CTNNA3: variants seen among roughly 807,000 people sequenced by gnomAD.
CTNNA3 encodes the protein catenin alpha-3.
A neutral mutation model predicts 95.7 loss-of-function variants in CTNNA3; 76 were observed. The ratio of observed to expected loss-of-function variants is 0.79; its 90% CI spans 0.66 to 0.96. The LOEUF is 0.96. Among genes scored for constraint, CTNNA3 ranks in the 40% least tolerant of loss-of-function variants. The probability of loss-of-function intolerance (pLI) is 0.00; values close to 1 mark genes in which losing one functional copy is unlikely to be tolerated. For synonymous variants in CTNNA3, 431 were observed against 374.4 expected (o/e 1.15, Z -1.74); for missense variants, 1,191 against 1,089.8 (o/e 1.09, Z -1.31).
chr10:66,428,275 G>C (rs1310875212), intron 11 of CTNNA3, among the ~76,000 whole-genome samples: 1 of 152,090 alleles, frequency 6.6e-6, no homozygotes, highest in Non-Finnish European at 1.5e-5. Flanking sequence ...GACCTACAAA[G>C]AGACTTAGAC....
intron 11 of CTNNA3, among the ~76,000 whole-genome samples, chr10:66,391,654 A>G (rs957930990): frequency 1.3e-5 from 2 of 152,152 alleles, no homozygotes; most frequent in Non-Finnish European, 2.9e-5. Context: ...AGAAAAGATA[A>G]TCCTAAAGGC....
chr10:66,384,956 A>C (rs1176532264), intron 11 of CTNNA3, among the ~76,000 whole-genome samples: 1 of 152,300 alleles, frequency 6.6e-6, no homozygotes, highest in Admixed American at 6.5e-5. Context: ...GTAGAGGGAA[A>C]TTTTTAGCAC....
At chr10:67,038,982 A>G (rs1377691648) in intron 7 of CTNNA3, among the ~76,000 whole-genome samples, 1 of 152,106 alleles carries the variant, frequency 6.6e-6, no homozygotes, top group Non-Finnish European at 1.5e-5. Context: ...TTAATTTTTC[A>G]GGCATAATCA....
chr10:67,367,709 C>G (rs574237183), intron 5 of CTNNA3, among the ~76,000 whole-genome samples: 27 of 152,102 alleles, frequency 1.8e-4, no homozygotes, highest in Non-Finnish European at 3.7e-4. Flanking sequence ...ATGTCGAATA[C>G]AGTATGCCCA....
At position 66,069,403 on chromosome 10, in the gene CTNNA3, A is replaced by G. The variant is rs1415550935; in HGVS notation, c.2064T>C (p.Asp688=). 3 of 1,613,694 alleles carry G rather than the reference A, an allele frequency of 1.9e-6. No individual in the cohort carries two copies. Among genetic ancestry groups the G allele is most frequent in the Non-Finnish European group, 2.5e-6 (3 of 1,179,718 alleles). ...TATCATCCCATATCTCAATCTCAGC[A>G]TCCAGCTTACTCTTTACTTTCTTGA... The part of the protein sequence containing the change: ...ADFKKVKSKL[D]AEIEIWDDTS... Residue 688 remains aspartate (D), a synonymous_variant, in exon 15 of 18, where the codon GAT becomes GAC. Transcript: ENST00000433211.
intron 5 of CTNNA3, among the ~76,000 whole-genome samples, chr10:67,268,795 G>A (rs1165098526): frequency 2.0e-5 from 3 of 152,128 alleles, no homozygotes; most frequent in African/African-American, 7.2e-5. Context: ...TATTGTATAT[G>A]CAAATGACAT....
chr10:66,752,900 T>C (rs1839208169), intron 9 of CTNNA3, among the ~76,000 whole-genome samples: 1 of 152,016 alleles, frequency 6.6e-6, no homozygotes, highest in Non-Finnish European at 1.5e-5. Flanking sequence ...TCTATTTAAA[T>C]GCTAATCTGC....
chr10:66,823,695 T>C (rs571915450), intron 7 of CTNNA3, among the ~76,000 whole-genome samples: 1 of 152,352 alleles, frequency 6.6e-6, no homozygotes, highest in Non-Finnish European at 1.5e-5. Flanking sequence ...GTGAGTTTTG[T>C]GCTAGACACT....
chr10:66,803,995 T>A (rs1332694045), intron 7 of CTNNA3, among the ~76,000 whole-genome samples: 1 of 151,214 alleles, frequency 6.6e-6, no homozygotes, highest in African/African-American at 2.4e-5. Flanking sequence ...GTGGTGTGCA[T>A]GTATTGTTTT....
chr10:67,008,809 A>C (rs1852159285), intron 7 of CTNNA3, among the ~76,000 whole-genome samples: 1 of 152,182 alleles, frequency 6.6e-6, no homozygotes, highest in Admixed American at 6.6e-5. Context: ...CCAGTGCATA[A>C]GAATCTTTTT....
intron 9 of CTNNA3, among the ~76,000 whole-genome samples, chr10:66,689,175 A>T (rs1379771142): frequency 6.6e-6 from 1 of 152,098 alleles, no homozygotes; most frequent in African/African-American, 2.4e-5. Flanking sequence ...CAAGCCTGAG[A>T]CACTTAGGGC....
chr10:67,516,642 T>C (rs1047191623), intron 5 of CTNNA3, among the ~76,000 whole-genome samples: 2 of 152,332 alleles, frequency 1.3e-5, no homozygotes, highest in Non-Finnish European at 2.9e-5. Context: ...ACACATTTTG[T>C]AATGACTACC....
chr10:67,058,520 C>T (rs1236390583), intron 7 of CTNNA3, among the ~76,000 whole-genome samples: 2 of 152,082 alleles, frequency 1.3e-5, no homozygotes, highest in African/African-American at 2.4e-5. Context: ...GCCCTTTCTC[C>T]ACTATATTCA....
In CTNNA3 at chr10:67,512,691, TA is replaced by T. The variant is rs1052453236; in HGVS notation, c.579+9150del. 5.4e-3 allele frequency among the ~76,000 whole-genome samples: 771 copies of T among 143,176 alleles called. 4 individuals carry two copies. Among genetic ancestry groups the T allele is most frequent in the African/African-American group, 0.013 (505 of 39,276 alleles). 93.9% of individuals were successfully genotyped at this position (143,176 alleles called of 152,430 possible). A position where few individuals can be genotyped will look rare whatever the true frequency, so the allele number is the denominator to read the frequency against. On this transcript the variant is annotated intron_variant, in intron 5 of 17. Coordinates refer to ENST00000433211, the MANE Select transcript of CTNNA3 (RefSeq NM_013266.4). The stretch of plus-strand genomic sequence containing the variant: ...TGTAATATTATTGCATTTTCTTCTT[TA>T]AAAAAAAAAAAGGGCCAGGAGCGGT...
At chr10:66,032,269 T>C (rs2079464504) in intron 15 of CTNNA3, among the ~76,000 whole-genome samples, 1 of 152,186 alleles carries the variant, frequency 6.6e-6, no homozygotes, top group Non-Finnish European at 1.5e-5. Flanking sequence ...CTAACCTAAC[T>C]AACAAACATT....
At chr10:67,391,167 G>C (rs1307809272) in intron 5 of CTNNA3, among the ~76,000 whole-genome samples, 1 of 151,974 alleles carries the variant, frequency 6.6e-6, no homozygotes, top group African/African-American at 2.4e-5. Context: ...CATTGTCTCA[G>C]CCCAAAATCT....
intron 7 of CTNNA3, among the ~76,000 whole-genome samples, chr10:67,180,003 T>C (rs1369962735): frequency 2.0e-5 from 3 of 152,166 alleles, no homozygotes; most frequent in Non-Finnish European, 4.4e-5. Context: ...ATCTTCTTTA[T>C]ATTTCTTAAA....
intron 5 of CTNNA3, among the ~76,000 whole-genome samples, chr10:67,223,438 T>A (rs911103685): frequency 6.6e-6 from 1 of 152,210 alleles, no homozygotes; most frequent in African/African-American, 2.4e-5. Flanking sequence ...TGGAGAAGTA[T>A]AAAGAATTCA....
At chr10:67,019,054 T>C (rs1852830638) in intron 7 of CTNNA3, among the ~76,000 whole-genome samples, 1 of 152,230 alleles carries the variant, frequency 6.6e-6, no homozygotes, top group Non-Finnish European at 1.5e-5. Flanking sequence ...ATCTAATGAA[T>C]ACAGTGCCTG....
Sources: allele counts gnomAD v4.1 joint callset (sites outside exome capture counted in the v4.1 genomes callset), GRCh38; gene constraint gnomAD v4.1.1; transcripts MANE v1.5; gene names NCBI Gene and HGNC (gene_info 2026-07-23, HGNC 2026-07-21).